Variants in ZDHHC5 observed in about 807,000 individuals in gnomAD.
ZDHHC5 encodes palmitoyltransferase ZDHHC5.
A neutral mutation model predicts 70.0 loss-of-function variants in ZDHHC5; 22 were observed. That is an observed-to-expected ratio of 0.31 (90% CI 0.22 to 0.45). The LOEUF (loss-of-function observed/expected upper bound fraction) is 0.45, where lower values mean the gene tolerates loss of function less well. Ranked by LOEUF, ZDHHC5 falls within the 20% of genes least tolerant of loss-of-function variation. The pLI, the probability that ZDHHC5 is intolerant of heterozygous loss-of-function variation, is 1.00. For missense variants in ZDHHC5, 746 were observed against 926.9 expected (o/e 0.80, Z 2.53); for synonymous variants, 313 against 347.8 (o/e 0.90, Z 1.11).
Position 57,700,103 on chromosome 11 carries a change from C to T in ZDHHC5, c.*72C>T, listed in dbSNP as rs1946421562. The T allele has an allele frequency of 3.6e-5, 53 of 1,492,070 alleles. No homozygotes were observed. In the South Asian group the frequency reaches 7.3e-4, roughly 21 times the overall value. 92.4% of individuals were successfully genotyped at this position (1,492,070 alleles called of 1,614,324 possible). On this transcript the variant is annotated 3_prime_UTR_variant, in exon 12 of 12. Transcript: ENST00000287169. ...GGCCCCAGGTGGCCACCTTCCTTCC[C>T]TCAAGGGGCTCCCCTCCCGTGCATG...
Position 57,700,557 on chromosome 11 carries a change from CTT to C in ZDHHC5, c.*530_*531del. ...GCAGGAAAAGAGGGGAGACGTCAGTCTTTTTCCTGTGGTTCCCTCTCATTTGT... is the reference window on the plus strand; with the variant it reads ...GCAGGAAAAGAGGGGAGACGTCAGTCTTTCCTGTGGTTCCCTCTCATTTGT... On this transcript the variant is annotated 3_prime_UTR_variant, in exon 12 of 12. Coordinates refer to ENST00000287169, the MANE Select transcript of ZDHHC5 (RefSeq NM_015457.3). 1.3e-5 allele frequency: 2 copies of C among 152,556 alleles called. No homozygotes were observed. Among genetic ancestry groups the C allele is most frequent in the East Asian group, 3.9e-4 (2 of 5,180 alleles). The allele number at this position is 152,556 out of a possible 1,614,324, so 9.5% of individuals were successfully genotyped here. A position where few individuals can be genotyped will look rare whatever the true frequency, so the allele number is the denominator to read the frequency against.
At chr11:57,689,554 T>A (rs1946253947) in intron 4 of ZDHHC5, among the ~76,000 whole-genome samples, 1 of 152,118 alleles carries the variant, frequency 6.6e-6, no homozygotes, top group Non-Finnish European at 1.5e-5. Flanking sequence ...ATTTTTGTAT[T>A]TTTAGTAGAG....
At position 57,688,483 on chromosome 11, in the gene ZDHHC5, T is replaced by A. The variant is rs186191461; in HGVS notation, c.227-25T>A. 10 of 1,519,862 alleles carry A rather than the reference T, an allele frequency of 6.6e-6. No homozygotes were observed. In the Admixed American group the frequency reaches 1.7e-4, roughly 26 times the overall value. The allele number at this position is 1,519,862 out of a possible 1,614,324, so 94.1% of individuals were successfully genotyped here. A position where few individuals can be genotyped will look rare whatever the true frequency, so the allele number is the denominator to read the frequency against. The stretch of plus-strand genomic sequence containing the variant: ...TTACTACAGTTCTGGCATAGTTGTT[T>A]TTAATTGACTTTTCCTCTCTACAGC... On this transcript the variant is annotated intron_variant, in intron 3 of 11. Coordinates refer to ENST00000287169, the MANE Select transcript of ZDHHC5 (RefSeq NM_015457.3).
intron 3 of ZDHHC5, among the ~76,000 whole-genome samples, chr11:57,682,829 C>T (rs1275034494): frequency 6.6e-6 from 1 of 152,094 alleles, no homozygotes; most frequent in Admixed American, 6.6e-5. Context: ...GTGATTTGTT[C>T]AGCAGAAATT....
chr11:57,686,082 A>G (rs964835552), intron 3 of ZDHHC5, among the ~76,000 whole-genome samples: 1 of 152,170 alleles, frequency 6.6e-6, no homozygotes, highest in African/African-American at 2.4e-5. Flanking sequence ...CACTTCTGGT[A>G]GATGATGATG....
In ZDHHC5 at chr11:57,696,839, C is replaced by T. The variant is rs372591056; in HGVS notation, c.1088C>T (p.Thr363Met). 4.3e-6 allele frequency: 7 copies of T among 1,613,942 alleles called. No homozygotes were observed. Among genetic ancestry groups the T allele is most frequent in the South Asian group, 1.1e-5 (1 of 91,086 alleles). The change falls in exon 10 of 12, where the codon ACG becomes ATG. Residue 363 changes from threonine (T) to methionine (M), a missense_variant. Coordinates refer to ENST00000287169, the MANE Select transcript of ZDHHC5 (RefSeq NM_015457.3). ...KYRPGYSSSSTSAAMPHSSSA... is the reference protein window; with the variant it reads ...KYRPGYSSSSMSAAMPHSSSA... ...CGGCCGGGTTACAGTAGCAGCAGTA[C>T]GTCAGCTGCCATGCCGCATTCCTCC...
Position 57,682,405 on chromosome 11 carries a change from C to A in ZDHHC5, c.105-17C>A. On this transcript the variant is annotated splice_polypyrimidine_tract_variant and intron_variant, in intron 2 of 11. Transcript: ENST00000287169. ...AATATTAGAGGCAACCCCTCATTTTCTTTATTGTCTGTGCAGGTGTCCAGG... is the reference window on the plus strand; with the variant it reads ...AATATTAGAGGCAACCCCTCATTTTATTTATTGTCTGTGCAGGTGTCCAGG... The A allele has an allele frequency of 6.3e-7, 1 of 1,596,278 alleles. No homozygotes were observed. Among genetic ancestry groups the A allele is most frequent in the Non-Finnish European group, 8.5e-7 (1 of 1,171,064 alleles).
chr11:57,679,915 C>T (rs1946127060), intron 2 of ZDHHC5, among the ~76,000 whole-genome samples: 1 of 152,066 alleles, frequency 6.6e-6, no homozygotes, highest in South Asian at 2.1e-4. Flanking sequence ...TTATTTGCAT[C>T]ATTTCTAGAT....
rs72474322 is a variant in ZDHHC5 at position 57,676,909 on chromosome 11, A to ATTT, written c.104+3743_104+3745dup. 3.8e-3 allele frequency among the ~76,000 whole-genome samples: 309 copies of ATTT among 80,968 alleles called. 27 individuals carry two copies. Among genetic ancestry groups the ATTT allele is most frequent in the African/African-American group, 0.014 (262 of 19,092 alleles). The allele number at this position is 80,968 out of a possible 152,430, so 53.1% of individuals were successfully genotyped here. A position where few individuals can be genotyped will look rare whatever the true frequency, so the allele number is the denominator to read the frequency against. ...CAGGATAAGATCTCTGCTTCACGTG[A>ATTT]TTTTTTTTTTTTTTTTTTTTTTTTT... On this transcript the variant is annotated intron_variant, in intron 2 of 11. Coordinates refer to ENST00000287169, the MANE Select transcript of ZDHHC5 (RefSeq NM_015457.3).
rs757026709 is a variant in ZDHHC5 at position 57,699,873 on chromosome 11, G to A, written c.1990G>A (p.Val664Ile). The A allele has an allele frequency of 1.2e-6, 2 of 1,614,224 alleles. No individual in the cohort carries two copies. ...CTTGTCTCTTCTTTCCAGAGATGAAGTACAGCTGAAGACCACCTACAGCAA... is the reference window on the plus strand; with the variant it reads ...CTTGTCTCTTCTTTCCAGAGATGAAATACAGCTGAAGACCACCTACAGCAA... ...LQPLLTPKDEVQLKTTYSKSN... is the reference protein window; with the variant it reads ...LQPLLTPKDEIQLKTTYSKSN... The change falls in exon 12 of 12, where the codon GTA becomes ATA. Residue 664 changes from valine (V) to isoleucine (I), a missense_variant. Around this residue, in one of 6 missense-constraint regions of ZDHHC5, gnomAD observed 340 missense variants for 350.1 expected, o/e 0.97. Coordinates refer to ENST00000287169, the MANE Select transcript of ZDHHC5 (RefSeq NM_015457.3).
At chr11:57,685,757 G>A (rs1046312218) in intron 3 of ZDHHC5, among the ~76,000 whole-genome samples, 14 of 152,178 alleles carry the variant, frequency 9.2e-5, no homozygotes, top group African/African-American at 2.7e-4. Context: ...GCCGGGTGCC[G>A]TGACTCACGC....
intron 7 of ZDHHC5, among the ~76,000 whole-genome samples, 159 bp downstream of exon 7, chr11:57,692,861 A>G (rs751466892): frequency 5.3e-5 from 8 of 152,184 alleles, no homozygotes; most frequent in Non-Finnish European, 1.0e-4. Context: ...TAAGTAGTCT[A>G]TCTTAGAATG....
At position 57,690,048 on chromosome 11, in the gene ZDHHC5, C is replaced by T; in HGVS notation, c.402C>T (p.Cys134=). 6.2e-7 allele frequency: 1 copy of T among 1,614,102 alleles called. No homozygotes were observed. Among genetic ancestry groups the T allele is most frequent in the Non-Finnish European group, 8.5e-7 (1 of 1,180,010 alleles). ...GTCCCTAGGAATTTGATCATCACTG[C>T]CCCTGGGTGAATAACTGTATTGGTC... ...DNCVEEFDHH[C]PWVNNCIGRR... The change falls in exon 5 of 12, where the codon TGC becomes TGT. Residue 134 remains cysteine (C), a synonymous_variant. Coordinates refer to ENST00000287169, the MANE Select transcript of ZDHHC5 (RefSeq NM_015457.3).
intron 4 of ZDHHC5, among the ~76,000 whole-genome samples, chr11:57,689,436 G>A (rs1946252316): frequency 6.6e-6 from 1 of 151,842 alleles, no homozygotes; most frequent in Non-Finnish European, 1.5e-5. Context: ...GGAGTGCAAT[G>A]GCGCAATCTC....
At chr11:57,681,385 T>G in intron 2 of ZDHHC5, 1 of 152,266 alleles carries the variant, frequency 6.6e-6, no homozygotes, top group African/African-American at 2.4e-5. Flanking sequence ...GGACAGATGC[T>G]GTCCTCATTC....
chr11:57,694,311 A>G (rs1239867929), intron 8 of ZDHHC5, among the ~76,000 whole-genome samples: 2 of 150,102 alleles, frequency 1.3e-5, no homozygotes, highest in Middle Eastern at 3.5e-3. Context: ...TACAGTGTTT[A>G]TCACTTACTA....
In ZDHHC5 at chr11:57,696,854, C is replaced by A. The variant is rs557105851; in HGVS notation, c.1103C>A (p.Pro368Gln). The A allele has an allele frequency of 6.2e-7, 1 of 1,613,722 alleles. No homozygotes were observed. Among genetic ancestry groups the A allele is most frequent in the Non-Finnish European group, 8.5e-7 (1 of 1,179,834 alleles). The change falls in exon 10 of 12, where the codon CCG becomes CAG. Residue 368 changes from proline to glutamine, a missense_variant. Physicochemically the swap from Pro to Gln is moderately conservative, Grantham distance 76. Around this residue, in one of 6 missense-constraint regions of ZDHHC5, gnomAD observed 179 missense variants for 178.4 expected, o/e 1.00. Transcript: ENST00000287169. ...YSSSSTSAAM[P>Q]HSSSAKLSRG... ...AGCAGCAGTACGTCAGCTGCCATGC[C>A]GCATTCCTCCAGCGCCAAGGTACTG...
At chr11:57,680,356 AAG>A (rs1460425614) in intron 2 of ZDHHC5, among the ~76,000 whole-genome samples, 1 of 152,184 alleles carries the variant, frequency 6.6e-6, no homozygotes, top group Non-Finnish European at 1.5e-5. Context: ...CAGCCTGGGC[AAG>A]AGAGCGAGAC....
chr11:57,691,685 C>T (rs562163592), intron 6 of ZDHHC5, among the ~76,000 whole-genome samples: 3 of 151,902 alleles, frequency 2.0e-5, no homozygotes, highest in South Asian at 2.1e-4. Flanking sequence ...TAATAGTATT[C>T]TTTCTTTAGT....
Sources: gnomAD v4.1 joint callset for allele counts (sites outside exome capture counted in the v4.1 genomes callset) on GRCh38, gnomAD v4.1.1 for gene constraint, gnomAD v4.1.1 regional missense constraint, MANE v1.5 for transcripts, NCBI Gene and HGNC (gene_info 2026-07-23, HGNC 2026-07-21) for gene names.